UGT1A10: variants seen among roughly 807,000 people sequenced by gnomAD.
UGT1A10 encodes UDP-glucuronosyltransferase 1A10.
Under a neutral mutation model 45.8 loss-of-function variants are expected in UGT1A10, and 49 were observed. That is an observed-to-expected ratio of 1.07 (90% CI 0.85 to 1.36). UGT1A10 has a LOEUF of 1.36. Among genes scored for constraint, UGT1A10 ranks in the 40% most tolerant of loss-of-function variants. The probability of loss-of-function intolerance (pLI) is 0.00; values close to 1 mark genes in which losing one functional copy is unlikely to be tolerated. For synonymous variants in UGT1A10, 284 were observed against 249.7 expected, an observed-to-expected ratio of 1.14 and a Z score of -1.29; for missense variants, 745 against 668.6, an observed-to-expected ratio of 1.11 and a Z score of -1.26.
intron 1 of UGT1A10, among the ~76,000 whole-genome samples, chr2:233,642,156 G>A (rs996576230): frequency 6.6e-5 from 10 of 152,108 alleles, no homozygotes; most frequent in Admixed American, 2.0e-4. Context: ...TTGCCCCTTT[G>A]AGGCTATTTT....
At chr2:233,731,988 G>T (rs2078227484) in intron 1 of UGT1A10, among the ~76,000 whole-genome samples, 1 of 152,200 alleles carries the variant, frequency 6.6e-6, no homozygotes, top group South Asian at 2.1e-4. Flanking sequence ...TAACTGGCGT[G>T]AGATGGTATC....
chr2:233,743,634 C>T (rs776464072), intron 1 of UGT1A10: 4 of 1,367,180 alleles, frequency 2.9e-6, no homozygotes, highest in Non-Finnish European at 2.0e-6. Flanking sequence ...TCGGCTGGGT[C>T]GCGGAAGCTG....
At chr2:233,682,236 C>T (rs182095678) in intron 1 of UGT1A10, 1 of 1,614,196 alleles carries the variant, frequency 6.2e-7, no homozygotes, top group African/African-American at 1.3e-5. Context: ...CGCTGGACGG[C>T]ACCATTGCGA....
chr2:233,720,745 G>A (rs12463910), intron 1 of UGT1A10, among the ~76,000 whole-genome samples: 11,915 of 147,388 alleles, frequency 0.081, 607 homozygotes, highest in East Asian at 0.21. Context: ...TCGTTCTGTC[G>A]CCCAGGCTGG....
In UGT1A10 at chr2:233,636,617, C is replaced by A. The variant is rs2073297311; in HGVS notation, c.95C>A (p.Pro32His). 6.2e-7 allele frequency: 1 copy of A among 1,613,946 alleles called. No homozygotes were observed. Among genetic ancestry groups the A allele is most frequent in the African/African-American group, 1.3e-5 (1 of 74,888 alleles). The part of the protein sequence containing the change: ...FAEAGKLLVV[P>H]MDGSHWFTMQ... Reference sequence around the variant, plus strand: ...GAGGCAGGGAAGCTGCTGGTAGTGCCCATGGATGGGAGTCACTGGTTCACC... The same window carrying A: ...GAGGCAGGGAAGCTGCTGGTAGTGCACATGGATGGGAGTCACTGGTTCACC... The change falls in exon 1 of 5, where the codon CCC becomes CAC. Residue 32 changes from proline to histidine, a missense_variant. Transcript: ENST00000344644.
intron 1 of UGT1A10, among the ~76,000 whole-genome samples, chr2:233,759,628 CCTT>C (rs1265834229): frequency 8.9e-6 from 1 of 112,932 alleles, no homozygotes; most frequent in Admixed American, 1.4e-4. Context: ...CTGTTCATTT[CCTT>C]CTTAGCATGC....
chr2:233,743,134 T>TA (rs919324462), intron 1 of UGT1A10: 10 of 357,158 alleles, frequency 2.8e-5, no homozygotes, highest in East Asian at 7.3e-5. Context: ...CTTTCAATCC[T>TA]AAAAAAAGTC....
chr2:233,671,926 A>C (rs1559333805), intron 1 of UGT1A10: 1 of 1,598,452 alleles, frequency 6.3e-7, no homozygotes, highest in East Asian at 2.2e-5. Context: ...TCTCAGCTGC[A>C]GTTCTCTGAT....
chr2:233,731,475 C>A lies in UGT1A10; in HGVS notation c.856-35559C>A, dbSNP rs368820066. ...AACAGGCCCTGGCGTGTGATGTTCC[C>A]TGGCCTGTGTCCAGTGTTCTTGCTG... On this transcript the variant is annotated intron_variant, in intron 1 of 4. Coordinates refer to ENST00000344644, the MANE Select transcript of UGT1A10 (RefSeq NM_019075.4). Among the ~76,000 whole-genome samples the A allele has an allele frequency of 3.1e-4, 47 of 152,264 alleles. No homozygotes were observed. The South Asian group carries it at 9.3e-3, about 30-fold the overall frequency.
intron 1 of UGT1A10, among the ~76,000 whole-genome samples, chr2:233,656,804 T>C (rs2073863373): frequency 6.6e-6 from 1 of 152,206 alleles, no homozygotes; most frequent in African/African-American, 2.4e-5. Context: ...ATTCACTTGT[T>C]GTGGGAGACG....
At chr2:233,751,721 A>G (rs1455896739) in intron 1 of UGT1A10, among the ~76,000 whole-genome samples, 3 of 152,224 alleles carry the variant, frequency 2.0e-5, no homozygotes, top group African/African-American at 7.2e-5. Context: ...CTCACAAGTG[A>G]ACTCTTCCTC....
At position 233,759,547 on chromosome 2, in the gene UGT1A10, A is replaced by G. The variant is rs1173613989; in HGVS notation, c.856-7487A>G. On this transcript the variant is annotated intron_variant, in intron 1 of 4. Transcript: ENST00000344644. ...GAAGACTTCTGTTCACATGCGCTCC[A>G]GTGAATTTCCCTTTCTGGTCATTCT... Among the ~76,000 whole-genome samples the G allele has an allele frequency of 8.5e-5, 13 of 152,244 alleles. No individual in the cohort carries two copies. The East Asian group carries it at 2.5e-3, about 29-fold the overall frequency.
At chr2:233,717,349 C>T (rs1413249189) in intron 1 of UGT1A10, among the ~76,000 whole-genome samples, 1 of 152,208 alleles carries the variant, frequency 6.6e-6, no homozygotes. Context: ...AAATCGTCCT[C>T]CCCTGGGGAG....
At chr2:233,666,948 C>T (rs2074091041) in intron 1 of UGT1A10, among the ~76,000 whole-genome samples, 2 of 152,242 alleles carry the variant, frequency 1.3e-5, no homozygotes, top group South Asian at 2.1e-4. Context: ...TGGTTTCCAG[C>T]TTCATCAATG....
At position 233,636,751 on chromosome 2, in the gene UGT1A10, T is replaced by C. The variant is rs759958389; in HGVS notation, c.229T>C (p.Tyr77His). ...ATCACTGAATTGCACAGTGAAGACT[T>C]ACTCAACCTCGTACACTCTGGAAGA... is the stretch of plus-strand genomic sequence containing the variant. Reference protein sequence around the residue: ...ERSLNCTVKTYSTSYTLEDQN... With the variant: ...ERSLNCTVKTHSTSYTLEDQN... The change falls in exon 1 of 5, where the codon TAC (tyrosine) becomes CAC (histidine). Residue 77 changes from tyrosine (Y) to histidine (H), a missense_variant. By Grantham distance (83) the Tyr-to-His change is moderately conservative. Transcript: ENST00000344644. 2 of 1,614,190 alleles carry C rather than the reference T, an allele frequency of 1.2e-6. No individual in the cohort carries two copies. The highest frequency in any genetic ancestry group is 2.2e-5 in the South Asian group (2 of 91,082).
intron 1 of UGT1A10, among the ~76,000 whole-genome samples, chr2:233,652,555 C>A (rs546619773): frequency 3.7e-4 from 57 of 152,136 alleles, no homozygotes; most frequent in Non-Finnish European, 5.6e-4. Flanking sequence ...AAATCAATAA[C>A]TCTTTAATAT....
chr2:233,671,505 A>G (rs959884097), intron 1 of UGT1A10, among the ~76,000 whole-genome samples: 14 of 152,238 alleles, frequency 9.2e-5, no homozygotes, highest in Middle Eastern at 3.2e-3. Flanking sequence ...ATGAGTTGCC[A>G]TCTTCTCTGG....
intron 1 of UGT1A10, among the ~76,000 whole-genome samples, chr2:233,681,530 C>CAAAAAAAA (rs747693860): frequency 2.6e-5 from 2 of 77,710 alleles, no homozygotes; most frequent in Non-Finnish European, 5.1e-5. Context: ...GACTCCATCT[C>CAAAAAAAA]AAAAAAAAAA....
intron 4 of UGT1A10, 143 bp downstream of exon 4, chr2:233,768,582 C>CTTT (rs139595073): frequency 4.4e-4 from 456 of 1,032,814 alleles, no homozygotes; most frequent in African/African-American, 3.3e-3. Flanking sequence ...TTTATTTCTT[C>CTTT]TTTTTTTTTT....
Sources: gnomAD v4.1 joint callset for allele counts (sites outside exome capture counted in the v4.1 genomes callset) on GRCh38, gnomAD v4.1.1 for gene constraint, MANE v1.5 for transcripts, NCBI Gene and HGNC (gene_info 2026-07-23, HGNC 2026-07-21) for gene names.